Variants in CAPZA1 observed in about 807,000 individuals in gnomAD.
CAPZA1 encodes the protein F-actin-capping protein subunit alpha-1.
In CAPZA1, 10 loss-of-function variants were observed where a neutral mutation model predicts 40.8. The observed-to-expected ratio is 0.25, with a 90% CI of 0.15 to 0.42. CAPZA1 has a LOEUF of 0.42. CAPZA1 is among the 10% of genes least tolerant of loss of function. The probability of loss-of-function intolerance (pLI) is 1.00; values close to 1 mark genes in which losing one functional copy is unlikely to be tolerated. For missense variants in CAPZA1, 277 were observed against 353.8 expected, an observed-to-expected ratio of 0.78 and a Z score of 1.74; for synonymous variants, 98 against 115.0, an observed-to-expected ratio of 0.85 and a Z score of 0.95.
Position 112,669,985 on chromosome 1 carries a change from A to G in CAPZA1, c.721-7A>G, listed in dbSNP as rs570789296. ...TCAAGCAACTCATCTTCAATTATCT[A>G]TTGCAGACAGCAATTAGTGAAAACT... is the stretch of plus-strand genomic sequence containing the variant. On this transcript the variant is annotated splice_polypyrimidine_tract_variant and splice_region_variant and intron_variant, in intron 9 of 9. Transcript: ENST00000263168. 1.3e-5 allele frequency: 21 copies of G among 1,613,238 alleles called. No homozygotes were observed. Among genetic ancestry groups the G allele is most frequent in the Middle Eastern group, 1.6e-4 (1 of 6,076 alleles).
At chr1:112,621,587 AGTTTATT>A (rs955975941) in intron 1 of CAPZA1, among the ~76,000 whole-genome samples, 1 of 151,902 alleles carries the variant, frequency 6.6e-6, no homozygotes, top group African/African-American at 2.4e-5. Context: ...TAAACTTTTA[AGTTTATT>A]GTGCCTACCT....
At chr1:112,619,952 G>T in intron 1 of CAPZA1, 69 bp downstream of exon 1, 1 of 1,330,876 alleles carries the variant, frequency 7.5e-7, no homozygotes, top group Non-Finnish European at 1.1e-6. Context: ...CGGCTGCGTT[G>T]GGAGCCTAGC....
intron 5 of CAPZA1, among the ~76,000 whole-genome samples, chr1:112,657,259 C>T (rs900887370): frequency 6.6e-6 from 1 of 152,038 alleles, no homozygotes; most frequent in African/African-American, 2.4e-5. Context: ...CCACCAGGCC[C>T]GGCCTATTTC....
chr1:112,669,941 C>G, intron 9 of CAPZA1, 51 bp from the exon 10 acceptor site: 1 of 1,607,966 alleles, frequency 6.2e-7, no homozygotes. Flanking sequence ...TTTCTGTTCA[C>G]AACCAGCCCC....
intron 4 of CAPZA1, 85 bp from the exon 5 acceptor site, chr1:112,654,380 C>T: frequency 1.2e-6 from 1 of 830,298 alleles, no homozygotes; most frequent in South Asian, 2.0e-5. Flanking sequence ...TTAACTGCCT[C>T]AGAATTTTTA....
At chr1:112,637,646 C>A (rs984545278) in intron 1 of CAPZA1, among the ~76,000 whole-genome samples, 3 of 152,188 alleles carry the variant, frequency 2.0e-5, no homozygotes, top group Non-Finnish European at 2.9e-5. Context: ...GAGATAAGAT[C>A]TTACTGTGTT....
chr1:112,654,132 T>A (rs1671452414), intron 4 of CAPZA1, among the ~76,000 whole-genome samples: 1 of 152,148 alleles, frequency 6.6e-6, no homozygotes, highest in Non-Finnish European at 1.5e-5. Context: ...TAAAGTTTCA[T>A]AATGACTCTG....
intron 5 of CAPZA1, among the ~76,000 whole-genome samples, chr1:112,657,364 C>T (rs1206967190): frequency 3.3e-5 from 5 of 152,112 alleles, no homozygotes; most frequent in Non-Finnish European, 7.4e-5. Context: ...CACGTCAGTA[C>T]ATATTCTTTG....
At chr1:112,627,602 A>AGCCTG (rs1670837073) in intron 1 of CAPZA1, among the ~76,000 whole-genome samples, 1 of 134,076 alleles carries the variant, frequency 7.5e-6, no homozygotes, top group African/African-American at 2.9e-5. Flanking sequence ...ATTGCACTCC[A>AGCCTG]GCCTGGCCTG....
At chr1:112,643,374 A>AT (rs1233255933) in intron 1 of CAPZA1, among the ~76,000 whole-genome samples, 2 of 152,194 alleles carry the variant, frequency 1.3e-5, no homozygotes, top group Non-Finnish European at 2.9e-5. Flanking sequence ...AGAAAAAATA[A>AT]TACACTATCT....
chr1:112,657,441 C>T (rs980092992), intron 5 of CAPZA1, among the ~76,000 whole-genome samples: 1 of 152,198 alleles, frequency 6.6e-6, no homozygotes, highest in South Asian at 2.1e-4. Context: ...CTCCATTCTA[C>T]AGAAACTGCT....
intron 1 of CAPZA1, among the ~76,000 whole-genome samples, chr1:112,622,923 C>G (rs913012700): frequency 2.0e-5 from 3 of 149,638 alleles, no homozygotes; most frequent in Non-Finnish European, 3.0e-5. Context: ...TGCACTGTCT[C>G]CCAGCGGGCT....
At chr1:112,653,979 T>C (rs1244404581) in intron 4 of CAPZA1, among the ~76,000 whole-genome samples, 1 of 152,208 alleles carries the variant, frequency 6.6e-6, no homozygotes, top group Non-Finnish European at 1.5e-5. Context: ...GAGGCGTTCC[T>C]CCTGAAATTT....
At chr1:112,621,638 C>T (rs1268865246) in intron 1 of CAPZA1, among the ~76,000 whole-genome samples, 3 of 151,804 alleles carry the variant, frequency 2.0e-5, no homozygotes, top group Non-Finnish European at 4.4e-5. Context: ...GGATTTTTGT[C>T]TTTGATACCA....
rs773411605 is a variant in CAPZA1, at chr1:112,659,002, T to C, written c.427-20T>C. 6.7e-7 allele frequency: 1 copy of C among 1,498,720 alleles called. No individual in the cohort carries two copies. The highest frequency in any genetic ancestry group is 1.1e-5 in the South Asian group (1 of 87,270). The allele number at this position is 1,498,720 out of a possible 1,614,324, so 92.8% of individuals were successfully genotyped here. A position where few individuals can be genotyped will look rare whatever the true frequency, so the allele number is the denominator to read the frequency against. On this transcript the variant is annotated intron_variant, in intron 5 of 9. Transcript: ENST00000263168. Reference sequence around the variant, plus strand: ...TAAAAGTGTTTGGAGTCTTTAACTATTTTTTTTTCCCAACAATAGGTTTAT... The same window carrying C: ...TAAAAGTGTTTGGAGTCTTTAACTACTTTTTTTTCCCAACAATAGGTTTAT...
chr1:112,657,336 C>G (rs146303614), intron 5 of CAPZA1, among the ~76,000 whole-genome samples: 3 of 152,234 alleles, frequency 2.0e-5, no homozygotes, highest in East Asian at 3.9e-4. Flanking sequence ...CTTCTCTCAT[C>G]TCTCTCTGCA....
At chr1:112,662,031 A>C (rs1031000554) in intron 7 of CAPZA1, among the ~76,000 whole-genome samples, 3 of 152,240 alleles carry the variant, frequency 2.0e-5, no homozygotes, top group Admixed American at 1.3e-4. Flanking sequence ...ATCATGTTGA[A>C]ATTTGTGTTA....
intron 2 of CAPZA1, 69 bp from the exon 3 acceptor site, chr1:112,649,349 A>C: frequency 8.7e-7 from 1 of 1,149,460 alleles, no homozygotes; most frequent in Non-Finnish European, 1.3e-6. Flanking sequence ...TTAAAAATTC[A>C]ATCTAGAAAT....
rs1557740045 is a variant in CAPZA1 at position 112,670,366 on chromosome 1, T to C, written c.*234T>C. 1.3e-5 allele frequency: 5 copies of C among 385,834 alleles called. No homozygotes were observed. Among genetic ancestry groups the C allele is most frequent in the Non-Finnish European group, 2.3e-5 (5 of 215,546 alleles). The allele number at this position is 385,834 out of a possible 1,614,324, so 23.9% of individuals were successfully genotyped here. On this transcript the variant is annotated 3_prime_UTR_variant, in exon 10 of 10. Transcript: ENST00000263168. Reference sequence around the variant, plus strand: ...TCTACGTGTAAATCTTTTTTTCTTTTTTTTTTTTTTTTTTTGGTTAATTCT... The same window carrying C: ...TCTACGTGTAAATCTTTTTTTCTTTCTTTTTTTTTTTTTTTGGTTAATTCT...
Sources: gnomAD v4.1 joint callset for allele counts (sites outside exome capture counted in the v4.1 genomes callset) on GRCh38, gnomAD v4.1.1 for gene constraint, MANE v1.5 for transcripts, NCBI Gene and HGNC (gene_info 2026-07-23, HGNC 2026-07-21) for gene names.